Variants in SMAD6 observed in about 807,000 individuals in gnomAD.
The protein encoded by SMAD6 is SMAD family member 6.
In SMAD6, 103 loss-of-function variants were observed where a neutral mutation model predicts 39.4. That is an observed-to-expected ratio of 2.62 (90% CI 2.23 to 3.08). SMAD6 has a LOEUF of 3.08. SMAD6 is among the 30% of genes most tolerant of loss of function. The pLI is 0.00. For missense variants in SMAD6, 1,104 were observed against 742.9 expected, an observed-to-expected ratio of 1.49 and a Z score of -5.65; for synonymous variants, 445 against 353.3, an observed-to-expected ratio of 1.26 and a Z score of -2.91.
intron 3 of SMAD6, among the ~76,000 whole-genome samples, chr15:66,766,822 C>T (rs937004348): frequency 1.3e-5 from 2 of 152,184 alleles, no homozygotes; most frequent in Admixed American, 1.3e-4. Flanking sequence ...AGATGTCTCC[C>T]TGGGACTCTT....
intron 3 of SMAD6, among the ~76,000 whole-genome samples, chr15:66,757,336 C>T (rs1207924159): frequency 1.3e-5 from 2 of 152,146 alleles, no homozygotes; most frequent in Non-Finnish European, 2.9e-5. Flanking sequence ...GCAAGAAATG[C>T]CGCTTTCCTT....
intron 3 of SMAD6, among the ~76,000 whole-genome samples, chr15:66,736,728 G>A (rs1893718788): frequency 6.6e-6 from 1 of 151,690 alleles, no homozygotes; most frequent in African/African-American, 2.4e-5. Context: ...GTGTAGTGGT[G>A]TGATCTTGGC....
At chr15:66,742,404 G>T (rs916127804) in intron 3 of SMAD6, among the ~76,000 whole-genome samples, 1 of 152,092 alleles carries the variant, frequency 6.6e-6, no homozygotes, top group South Asian at 2.1e-4. Flanking sequence ...GCGGGAACAA[G>T]TTACTTTCAT....
intron 2 of SMAD6, among the ~76,000 whole-genome samples, chr15:66,715,416 T>C (rs975742488): frequency 6.6e-6 from 1 of 152,066 alleles, no homozygotes; most frequent in South Asian, 2.1e-4. Context: ...GGGCAAACGG[T>C]TTTATCCCAG....
intron 3 of SMAD6, among the ~76,000 whole-genome samples, chr15:66,734,114 G>C (rs912156103): frequency 6.6e-6 from 1 of 152,204 alleles, no homozygotes; most frequent in South Asian, 2.1e-4. Context: ...CGGAGAGGCG[G>C]CCATCAGTGC....
At chr15:66,723,441 C>G (rs1893469482) in intron 3 of SMAD6, among the ~76,000 whole-genome samples, 1 of 152,154 alleles carries the variant, frequency 6.6e-6, no homozygotes, top group African/African-American at 2.4e-5. Context: ...TAATCCCAGG[C>G]TGAGGCAGGA....
chr15:66,736,757 C>A (rs539784351), intron 3 of SMAD6, among the ~76,000 whole-genome samples: 1 of 152,044 alleles, frequency 6.6e-6, no homozygotes, highest in South Asian at 2.1e-4. Context: ...ACCTCTGCCC[C>A]ACCCTGGGTT....
At chr15:66,714,808 C>G (rs1893296017) in intron 2 of SMAD6, among the ~76,000 whole-genome samples, 1 of 152,200 alleles carries the variant, frequency 6.6e-6, no homozygotes, top group African/African-American at 2.4e-5. Flanking sequence ...TAGGGACTTA[C>G]TAGCTGTGAA....
At chr15:66,763,798 G>A (rs941445975) in intron 3 of SMAD6, among the ~76,000 whole-genome samples, 1 of 152,218 alleles carries the variant, frequency 6.6e-6, no homozygotes, top group African/African-American at 2.4e-5. Flanking sequence ...ACAGGGGTGG[G>A]GCCCCACCCT....
In SMAD6 at chr15:66,781,194, C is replaced by G. The variant is rs781223749; in HGVS notation, c.1150C>G (p.Arg384Gly). 1 of 1,608,130 alleles carries G rather than the reference C, an allele frequency of 6.2e-7. No homozygotes were observed. The highest frequency in any genetic ancestry group is 8.5e-7 in the Non-Finnish European group (1 of 1,179,746). The change falls in exon 4 of 4, where the codon CGC becomes GGC. Residue 384 changes from arginine (R) to glycine (G), a missense_variant. By Grantham distance (125) the Arg-to-Gly change is moderately radical (BLOSUM62 -2). Transcript: ENST00000288840. Reference protein sequence around the residue: ...EQRSESVRRTRSKIGFGILLS... With the variant: ...EQRSESVRRTGSKIGFGILLS... ...GCGCAGCGAGTCGGTGCGGCGAACG[C>G]GCAGCAAGATCGGCTTCGGCATCCT...
At chr15:66,764,948 G>A (rs896528939) in intron 3 of SMAD6, among the ~76,000 whole-genome samples, 3 of 152,080 alleles carry the variant, frequency 2.0e-5, no homozygotes, top group African/African-American at 7.2e-5. Flanking sequence ...GGGTTTCACC[G>A]CCATAGGGCT....
At chr15:66,745,597 A>T (rs759487494) in intron 3 of SMAD6, among the ~76,000 whole-genome samples, 3 of 152,204 alleles carry the variant, frequency 2.0e-5, no homozygotes, top group Non-Finnish European at 2.9e-5. Flanking sequence ...TGGTGATCAG[A>T]CTACTGAATC....
rs1894587445 is a variant in SMAD6 at position 66,781,988 on chromosome 15, A to G, written c.*453A>G. 4 of 398,968 alleles carry G rather than the reference A, an allele frequency of 1.0e-5. No homozygotes were observed. Among genetic ancestry groups the G allele is most frequent in the Non-Finnish European group, 1.8e-5 (4 of 226,056 alleles). The allele number at this position is 398,968 out of a possible 1,614,324, so 24.7% of individuals were successfully genotyped here. On this transcript the variant is annotated 3_prime_UTR_variant, in exon 4 of 4. Coordinates refer to ENST00000288840, the MANE Select transcript of SMAD6 (RefSeq NM_005585.5). ...CTCGATAATAAAGTATTCGCATTATAGTTTTTTTTAAACTGTCTTCTTTTT... is the reference window on the plus strand; with the variant it reads ...CTCGATAATAAAGTATTCGCATTATGGTTTTTTTTAAACTGTCTTCTTTTT...
intron 3 of SMAD6, among the ~76,000 whole-genome samples, chr15:66,759,298 A>C (rs1209467538): frequency 6.6e-6 from 1 of 152,110 alleles, no homozygotes; most frequent in African/African-American, 2.4e-5. Flanking sequence ...CTTTATAATC[A>C]TGCTTTCAGA....
intron 3 of SMAD6, among the ~76,000 whole-genome samples, chr15:66,721,386 G>A (rs1385242907): frequency 6.9e-6 from 1 of 145,822 alleles, no homozygotes; most frequent in African/African-American, 2.6e-5. Flanking sequence ...CAGGGACCAA[G>A]TGTGTTCTCG....
At chr15:66,737,104 G>A (rs2140631842) in intron 3 of SMAD6, among the ~76,000 whole-genome samples, 2 of 152,344 alleles carry the variant, frequency 1.3e-5, no homozygotes, top group East Asian at 3.9e-4. Flanking sequence ...GAGAGCACAG[G>A]TCTCCGGAGG....
intron 3 of SMAD6, among the ~76,000 whole-genome samples, chr15:66,739,590 C>T (rs1893777049): frequency 6.6e-6 from 1 of 152,130 alleles, no homozygotes; most frequent in African/African-American, 2.4e-5. Context: ...TTAAATATAC[C>T]TATTTGCTCT....
chr15:66,702,719 T>TC lies in SMAD6; in HGVS notation c.-539dup, dbSNP rs1211000419. The TC allele has an allele frequency of 4.6e-5, 7 of 152,358 alleles. No homozygotes were observed. The highest frequency in any genetic ancestry group is 2.1e-4 in the South Asian group (1 of 4,830). 9.4% of individuals were successfully genotyped at this position (152,358 alleles called of 1,614,324 possible). A position where few individuals can be genotyped will look rare whatever the true frequency, so the allele number is the denominator to read the frequency against. On this transcript the variant is annotated 5_prime_UTR_variant, in exon 1 of 4. An upstream open reading frame in the 5' UTR gains an earlier in-frame stop. Transcript: ENST00000288840. ...CCTTTTCTTTCTTTCCTTTTTTTTT[T>TC]CTTTTTGCAGGGAGTAAGAAGGGAG...
rs577250713 is a variant in SMAD6 at position 66,747,453 on chromosome 15, T to G, written c.952+30955T>G. On this transcript the variant is annotated intron_variant, in intron 3 of 3. Transcript: ENST00000288840. The surrounding 1 kb of genome is among the most constrained non-coding windows in gnomAD (Gnocchi z 4.5). ...CCTCCCGGCTGGTCTTTGTGGGCCCTGGCCCCCTTCTCTTCTGGGTGTTCC... is the reference window on the plus strand; with the variant it reads ...CCTCCCGGCTGGTCTTTGTGGGCCCGGGCCCCCTTCTCTTCTGGGTGTTCC... 1.5e-3 allele frequency among the ~76,000 whole-genome samples: 223 copies of G among 152,368 alleles called. 1 individual carries two copies. Among genetic ancestry groups the G allele is most frequent in the African/African-American group, 4.6e-3 (193 of 41,590 alleles).
Sources: gnomAD v4.1 joint callset for allele counts (sites outside exome capture counted in the v4.1 genomes callset) on GRCh38, gnomAD v4.1.1 for gene constraint, Gnocchi (gnomAD v3.1) non-coding constraint, MANE v1.5 for transcripts, NCBI Gene and HGNC (gene_info 2026-07-23, HGNC 2026-07-21) for gene names.